MAP4K5: variants seen among roughly 807,000 people sequenced by gnomAD.
The protein encoded by MAP4K5 is MAPK/ERK kinase kinase kinase 5.
MAP4K5 carries 82 observed loss-of-function variants against 135.6 expected under a neutral mutation model. The ratio of observed to expected loss-of-function variants is 0.60; its 90% CI spans 0.51 to 0.73. MAP4K5 has a LOEUF of 0.73. Among genes scored for constraint, MAP4K5 ranks in the 30% least tolerant of loss-of-function variants. The pLI is 0.00. For synonymous variants in MAP4K5, 347 were observed against 335.0 expected (o/e 1.04, Z -0.39); for missense variants, 907 against 1,010.9 (o/e 0.90, Z 1.39).
chr14:50,462,620 A>T, intron 13 of MAP4K5, 45 bp downstream of exon 13: 1 of 1,385,942 alleles, frequency 7.2e-7, no homozygotes, highest in South Asian at 1.2e-5. Flanking sequence ...TTAAGGCCTT[A>T]TAAAACATTT....
chr14:50,463,228 T>C (rs1298127883), intron 12 of MAP4K5, among the ~76,000 whole-genome samples: 1 of 152,244 alleles, frequency 6.6e-6, no homozygotes, highest in African/African-American at 2.4e-5. Context: ...AATATTGGCA[T>C]GTCAGTAAAG....
At chr14:50,537,361 G>A (rs2038507231), upstream of MAP4K5, among the ~76,000 whole-genome samples, 1 of 152,234 alleles carries the variant, frequency 6.6e-6, no homozygotes, top group African/African-American at 2.4e-5. Context: ...TGGATGTCCA[G>A]GCAGAAGTTT....
At chr14:50,512,704 G>C (rs769084252) in intron 2 of MAP4K5, among the ~76,000 whole-genome samples, 9 of 152,128 alleles carry the variant, frequency 5.9e-5, no homozygotes, top group Non-Finnish European at 1.3e-4. Context: ...CAGAAAAAGA[G>C]ATCTTCTAAA....
rs2139818278 is a variant in MAP4K5, at chr14:50,464,126, TTGA to T, written c.742_744del (p.Ser248del). On this transcript the variant is annotated inframe_deletion, in exon 12 of 33. Coordinates refer to ENST00000682126, the MANE Select transcript of MAP4K5 (RefSeq NM_006575.6). ...GCTATTTTGACAAAATTATGGAATGTTGATGACCTTAAAATAAAAAGAGACGTA... is the reference window on the plus strand; with the variant it reads ...GCTATTTTGACAAAATTATGGAATGTTGACCTTAAAATAAAAAGAGACGTA... 1 of 1,499,632 alleles carries T rather than the reference TTGA, an allele frequency of 6.7e-7. No homozygotes were observed. The highest frequency in any genetic ancestry group is 9.1e-7 in the Non-Finnish European group (1 of 1,101,312). The allele number at this position is 1,499,632 out of a possible 1,614,324, so 92.9% of individuals were successfully genotyped here. A position where few individuals can be genotyped will look rare whatever the true frequency, so the allele number is the denominator to read the frequency against.
chr14:50,551,533 G>A (rs1334141347), intron 1 of MAP4K5, among the ~76,000 whole-genome samples: 1 of 152,046 alleles, frequency 6.6e-6, no homozygotes, highest in African/African-American at 2.4e-5. Flanking sequence ...TTTGAAGGCA[G>A]TATTACCCTA....
intron 21 of MAP4K5, 97 bp downstream of exon 21, chr14:50,442,635 G>A (rs1428336164): frequency 8.1e-6 from 7 of 864,552 alleles, no homozygotes; most frequent in East Asian, 2.7e-5. Context: ...CTCTAAAGTC[G>A]TATTTTTAAA....
rs1480040943 is a variant in MAP4K5 at position 50,468,424 on chromosome 14, A to C, written c.674+227T>G. Reference sequence around the variant, plus strand: ...AAGACTAGTCAAGTACAGTAGTGAGAAGGAGAAAAGCAGAACAAGGAGCTT... The same window carrying C: ...AAGACTAGTCAAGTACAGTAGTGAGCAGGAGAAAAGCAGAACAAGGAGCTT... On this transcript the variant is annotated intron_variant, in intron 10 of 32. Transcript: ENST00000682126. 27 of 496,600 alleles carry C rather than the reference A, an allele frequency of 5.4e-5. No individual in the cohort carries two copies. The East Asian group carries it at 8.4e-4, about 15-fold the overall frequency. The allele number at this position is 496,600 out of a possible 1,614,324, so 30.8% of individuals were successfully genotyped here. A position where few individuals can be genotyped will look rare whatever the true frequency, so the allele number is the denominator to read the frequency against.
At chr14:50,434,765 T>C (rs563858832) in intron 27 of MAP4K5, among the ~76,000 whole-genome samples, 194 bp from the exon 28 acceptor site, 1 of 152,330 alleles carries the variant, frequency 6.6e-6, no homozygotes, top group Non-Finnish European at 1.5e-5. Flanking sequence ...TTAATCTTTA[T>C]GACTGATGGT....
At chr14:50,560,139 A>G (rs1477518861) in intron 1 of MAP4K5, 2 of 1,118,148 alleles carry the variant, frequency 1.8e-6, no homozygotes, top group African/African-American at 3.1e-5. Context: ...CCACAGCAAC[A>G]TCCTCAGAGT....
chr14:50,485,150 CG>C (rs1471066049), intron 5 of MAP4K5, among the ~76,000 whole-genome samples: 1 of 152,018 alleles, frequency 6.6e-6, no homozygotes, highest in East Asian at 1.9e-4. Flanking sequence ...ATAAAATACT[CG>C]AAACTTTAAA....
At chr14:50,523,251 C>T (rs1402532001) in intron 2 of MAP4K5, among the ~76,000 whole-genome samples, 3 of 151,956 alleles carry the variant, frequency 2.0e-5, no homozygotes, top group South Asian at 2.1e-4. Flanking sequence ...GTGGAGGTTG[C>T]GGTGAGCTGA....
intron 13 of MAP4K5, among the ~76,000 whole-genome samples, chr14:50,458,043 G>A (rs76542865): frequency 0.01 from 1,557 of 152,186 alleles, 12 homozygotes; most frequent in Non-Finnish European, 0.016. Flanking sequence ...CATCTAATCT[G>A]AGCTCCGACT....
Position 50,531,972 on chromosome 14 carries a change from G to A in MAP4K5, c.78C>T (p.Val26=). Residue 26 remains valine, a synonymous_variant, in exon 2 of 33, where the codon GTC becomes GTT. Coordinates refer to ENST00000682126, the MANE Select transcript of MAP4K5 (RefSeq NM_006575.6). ...AGACGTCCCCGTAGGTGCCGCTGCC[G>A]ACCCTCTGGACGAGTTCGTAGTCCT... ...PQQDYELVQR[V]GSGTYGDVYK... 6.2e-7 allele frequency: 1 copy of A among 1,604,230 alleles called. No homozygotes were observed. The highest frequency in any genetic ancestry group is 8.5e-7 in the Non-Finnish European group (1 of 1,175,708).
chr14:50,490,812 T>A (rs1352357676), intron 3 of MAP4K5, among the ~76,000 whole-genome samples: 1 of 152,186 alleles, frequency 6.6e-6, no homozygotes, highest in Non-Finnish European at 1.5e-5. Context: ...TCTGCTACCA[T>A]CAGTGCATCA....
At chr14:50,428,889 G>T in intron 29 of MAP4K5, 135 bp from the exon 30 acceptor site, 1 of 631,038 alleles carries the variant, frequency 1.6e-6, no homozygotes, top group Non-Finnish European at 2.7e-6. Flanking sequence ...AGTCAGGTAT[G>T]CCAAATGGCA....
At chr14:50,559,837 C>T (rs540497877) in intron 1 of MAP4K5, 1 of 187,160 alleles carries the variant, frequency 5.3e-6, no homozygotes, top group Admixed American at 5.6e-5. Flanking sequence ...AATGTATAAC[C>T]GTGCTTGAAA....
chr14:50,445,186 T>C lies in MAP4K5; in HGVS notation c.1194A>G (p.Ile398Met), dbSNP rs370421850. 230 of 1,612,938 alleles carry C rather than the reference T, an allele frequency of 1.4e-4. No homozygotes were observed. The highest frequency in any genetic ancestry group is 1.9e-4 in the Non-Finnish European group (222 of 1,179,426). ...IPPPLPPKPR[I>M]SSYPEDNFPD... is the part of the protein sequence containing the mutation. ...GAAAGTTGTCTTCAGGGTAACTGCT[T>C]ATCCTTGGCTAGTGGTACAAAGACA... is the stretch of plus-strand genomic sequence containing the variant. Residue 398 changes from isoleucine (I) to methionine (M), a missense_variant, in exon 18 of 33, where the codon ATA becomes ATG. By Grantham distance (10) the Ile-to-Met change is conservative. Coordinates refer to ENST00000682126, the MANE Select transcript of MAP4K5 (RefSeq NM_006575.6).
Position 50,419,819 on chromosome 14 carries a change from AACC to A in MAP4K5, c.*197_*199del. 1 of 486,346 alleles carries A rather than the reference AACC, an allele frequency of 2.1e-6. No individual in the cohort carries two copies. Among genetic ancestry groups the A allele is most frequent in the Non-Finnish European group, 3.7e-6 (1 of 271,556 alleles). The allele number at this position is 486,346 out of a possible 1,614,324, so 30.1% of individuals were successfully genotyped here. The stretch of plus-strand genomic sequence containing the variant: ...AGCTTTTATTAAGCAAACTTGATAT[AACC>A]ACCACACAGTGGCAAGAGATAGACT... On this transcript the variant is annotated 3_prime_UTR_variant, in exon 33 of 33. Transcript: ENST00000682126.
chr14:50,554,050 G>A (rs1239459589), intron 1 of MAP4K5, among the ~76,000 whole-genome samples: 1 of 151,404 alleles, frequency 6.6e-6, no homozygotes, highest in East Asian at 1.9e-4. Flanking sequence ...CACCACTAAA[G>A]AACTTATTAA....
Sources: allele counts gnomAD v4.1 joint callset (sites outside exome capture counted in the v4.1 genomes callset), GRCh38; gene constraint gnomAD v4.1.1; transcripts MANE v1.5; gene names NCBI Gene and HGNC (gene_info 2026-07-23, HGNC 2026-07-21).